STAG1: variants seen among roughly 807,000 people sequenced by gnomAD.
STAG1 encodes the protein STAG1 cohesin complex component, also known as cohesin subunit SA-1.
Under a neutral mutation model 170.9 loss-of-function variants are expected in STAG1, and 26 were observed. The observed-to-expected ratio is 0.15, with a 90% CI of 0.11 to 0.21. The LOEUF (loss-of-function observed/expected upper bound fraction) is 0.21, where lower values mean the gene tolerates loss of function less well. Ranked by LOEUF, STAG1 falls within the 10% of genes least tolerant of loss-of-function variation. The probability of loss-of-function intolerance (pLI) is 1.00; values close to 1 mark genes in which losing one functional copy is unlikely to be tolerated. For synonymous variants in STAG1, 514 were observed against 497.7 expected (o/e 1.03, Z -0.44); for missense variants, 964 against 1,509.5 (o/e 0.64, Z 5.99).
Position 136,344,163 on chromosome 3 carries a change from A to T in STAG1, c.3272-157T>A, listed in dbSNP as rs79720013. On this transcript the variant is annotated intron_variant, in intron 29 of 33. Coordinates refer to ENST00000383202, the MANE Select transcript of STAG1 (RefSeq NM_005862.3). ...CTTACATGACTTTGTGTAAGTCATT[A>T]AACTTCCAAAGTTGAGTTTTCTCAT... is the stretch of plus-strand genomic sequence containing the variant. Among the ~76,000 whole-genome samples the T allele has an allele frequency of 1.1e-3, 172 of 152,330 alleles. 5 individuals carry two copies. In the East Asian group the frequency reaches 0.03, roughly 26 times the overall value.
chr3:136,340,773 T>C (rs1352496263), intron 31 of STAG1, among the ~76,000 whole-genome samples, 168 bp from the exon 32 acceptor site: 2 of 152,246 alleles, frequency 1.3e-5, no homozygotes, highest in Non-Finnish European at 2.9e-5. Context: ...ATCATTCCTT[T>C]GGTTCATTCA....
At chr3:136,713,042 A>G (rs1194971083) in intron 1 of STAG1, among the ~76,000 whole-genome samples, 3 of 152,178 alleles carry the variant, frequency 2.0e-5, no homozygotes, top group African/African-American at 7.2e-5. Flanking sequence ...CAGTGAGCCA[A>G]GATTGCGCCA....
chr3:136,478,840 G>A (rs1434263380), intron 9 of STAG1, among the ~76,000 whole-genome samples: 1 of 152,094 alleles, frequency 6.6e-6, no homozygotes, highest in Admixed American at 6.5e-5. Flanking sequence ...GGCTCTGGAG[G>A]AAGACATCCT....
At position 136,377,726 on chromosome 3, in the gene STAG1, C is replaced by A. The variant is rs146856886; in HGVS notation, c.2304G>T (p.Thr768=). 3.7e-6 allele frequency: 6 copies of A among 1,613,964 alleles called. No individual in the cohort carries two copies. Among genetic ancestry groups the A allele is most frequent in the Non-Finnish European group, 5.1e-6 (6 of 1,179,960 alleles). The change falls in exon 23 of 34, where the codon ACG becomes ACT. Residue 768 remains threonine (T), a synonymous_variant. Transcript: ENST00000383202. The stretch of plus-strand genomic sequence containing the variant: ...GGCAAACAGCCAAAAAGGATTTCAC[C>A]GTTTTCCTCAATACCAACAAATCCT... ...SKEDLLVLRK[T]VKSFLAVCQQ...
chr3:136,466,759 T>C (rs1559820525), intron 12 of STAG1, among the ~76,000 whole-genome samples: 2 of 152,188 alleles, frequency 1.3e-5, no homozygotes, highest in Non-Finnish European at 2.9e-5. Context: ...GAGAGAAAGG[T>C]CGGGTTACCC....
chr3:136,365,796 T>G (rs1937052316), intron 25 of STAG1, among the ~76,000 whole-genome samples: 2 of 152,094 alleles, frequency 1.3e-5, no homozygotes, highest in Admixed American at 6.6e-5. Flanking sequence ...AGGTTCAACA[T>G]GCAAATATCA....
chr3:136,484,315 A>C (rs2089954457), intron 9 of STAG1, among the ~76,000 whole-genome samples: 1 of 150,654 alleles, frequency 6.6e-6, no homozygotes, highest in South Asian at 2.1e-4. Context: ...CCTCAGCTGC[A>C]GGTCTGTTGG....
intron 1 of STAG1, among the ~76,000 whole-genome samples, chr3:136,693,882 A>AT (rs1942802774): frequency 6.6e-6 from 1 of 152,046 alleles, no homozygotes; most frequent in South Asian, 2.1e-4. Context: ...CTTTGCTGAT[A>AT]TTTTTTTAGA....
intron 7 of STAG1, among the ~76,000 whole-genome samples, chr3:136,517,004 G>A (rs1254361728): frequency 6.6e-6 from 1 of 152,234 alleles, no homozygotes; most frequent in Non-Finnish European, 1.5e-5. Context: ...TTCAGCCTCT[G>A]ATCATAAATT....
intron 21 of STAG1, among the ~76,000 whole-genome samples, chr3:136,406,898 T>C (rs1183110403): frequency 6.6e-6 from 1 of 152,254 alleles, no homozygotes; most frequent in Non-Finnish European, 1.5e-5. Context: ...ACATTAATCC[T>C]TGGCAATTCA....
chr3:136,654,885 C>T (rs150703153), intron 1 of STAG1, among the ~76,000 whole-genome samples: 2 of 152,244 alleles, frequency 1.3e-5, no homozygotes, highest in Admixed American at 1.3e-4. Flanking sequence ...GTTGCCAAGA[C>T]TATTAATGGA....
At chr3:136,602,992 C>T (rs1938745286) in intron 4 of STAG1, among the ~76,000 whole-genome samples, 1 of 152,156 alleles carries the variant, frequency 6.6e-6, no homozygotes, top group South Asian at 2.1e-4. Flanking sequence ...CATCATCCCA[C>T]TAATCCACCT....
Position 136,502,609 on chromosome 3 carries a change from C to T in STAG1, c.828+19G>A, listed in dbSNP as rs757631974. On this transcript the variant is annotated intron_variant, in intron 8 of 33. Transcript: ENST00000383202. ...ACACATTTACAGAACATAAAATCAT[C>T]AGTTCCCATGAAACTTACCTCTTTG... is the stretch of plus-strand genomic sequence containing the variant. 1.9e-6 allele frequency: 3 copies of T among 1,608,722 alleles called. No homozygotes were observed. Among genetic ancestry groups the T allele is most frequent in the African/African-American group, 2.7e-5 (2 of 74,686 alleles).
At chr3:136,555,726 A>G (rs1936590038) in intron 5 of STAG1, among the ~76,000 whole-genome samples, 1 of 151,872 alleles carries the variant, frequency 6.6e-6, no homozygotes, top group Admixed American at 6.6e-5. Context: ...AATCAAGTAT[A>G]CAATTTAATA....
At chr3:136,558,478 G>A (rs989013280) in intron 5 of STAG1, among the ~76,000 whole-genome samples, 1 of 152,202 alleles carries the variant, frequency 6.6e-6, no homozygotes, top group Non-Finnish European at 1.5e-5. Flanking sequence ...ACTTTACACA[G>A]TTCATGCAAG....
At chr3:136,399,084 G>A (rs1325823950) in intron 21 of STAG1, among the ~76,000 whole-genome samples, 2 of 152,238 alleles carry the variant, frequency 1.3e-5, no homozygotes, top group Admixed American at 6.5e-5. Flanking sequence ...AAACAAAAAT[G>A]TAGTGTCATG....
At chr3:136,690,924 T>C (rs1942700505) in intron 1 of STAG1, among the ~76,000 whole-genome samples, 1 of 151,206 alleles carries the variant, frequency 6.6e-6, no homozygotes, top group Non-Finnish European at 1.5e-5. Context: ...CTGGATCTAG[T>C]TGCTGACTGC....
chr3:136,526,002 T>G (rs948334133), intron 6 of STAG1, among the ~76,000 whole-genome samples: 1 of 152,126 alleles, frequency 6.6e-6, no homozygotes, highest in Non-Finnish European at 1.5e-5. Context: ...TGCTGAGGAG[T>G]GCTTTACTTC....
In STAG1 at chr3:136,474,509, G is replaced by A. The variant is rs371296420; in HGVS notation, c.1027-872C>T. 2.2e-4 allele frequency among the ~76,000 whole-genome samples: 34 copies of A among 152,292 alleles called. 1 individual carries two copies. In the East Asian group the frequency reaches 6.0e-3, roughly 27 times the overall value. ...TTAACAAAGAGCTCTGAGGAATAGG[G>A]TTCTGATTTGTTCTCTTTGCAGATT... On this transcript the variant is annotated intron_variant, in intron 10 of 33. Transcript: ENST00000383202.
Sources: allele counts gnomAD v4.1 joint callset (sites outside exome capture counted in the v4.1 genomes callset), GRCh38; gene constraint gnomAD v4.1.1; transcripts MANE v1.5; gene names NCBI Gene and HGNC (gene_info 2026-07-23, HGNC 2026-07-21).